TSC22D2: variants seen among roughly 807,000 people sequenced by gnomAD.
TSC22D2 encodes the protein TSC22 domain family protein 2.
TSC22D2 carries 5 observed loss-of-function variants against 50.1 expected under a neutral mutation model. The observed-to-expected ratio is 0.10, with a 90% CI of 0.05 to 0.21. The LOEUF is 0.21. Ranked by LOEUF, TSC22D2 falls within the 10% of genes least tolerant of loss-of-function variation. The pLI is 1.00. For synonymous variants in TSC22D2, 501 were observed against 450.1 expected, an observed-to-expected ratio of 1.11 and a Z score of -1.43; for missense variants, 1,003 against 1,015.5, an observed-to-expected ratio of 0.99 and a Z score of 0.17.
At chr3:150,442,827 A>AT (rs1462581335) in intron 1 of TSC22D2, among the ~76,000 whole-genome samples, 1 of 152,148 alleles carries the variant, frequency 6.6e-6, no homozygotes, top group African/African-American at 2.4e-5. Flanking sequence ...ATGATGGCAC[A>AT]TGCCTGTAAT....
At position 150,442,897 on chromosome 3, in the gene TSC22D2, G is replaced by A. The variant is rs569992690; in HGVS notation, c.1959-14179G>A. ...GTTTAAGGCAGCAGAGAGCTATGAT[G>A]GCGCCATTGCATTCCAACCTGGAAG... On this transcript the variant is annotated intron_variant, in intron 1 of 2. Coordinates refer to ENST00000688009, the MANE Select transcript of TSC22D2 (RefSeq NM_001303264.2). Among the ~76,000 whole-genome samples the A allele has an allele frequency of 7.6e-4, 115 of 152,270 alleles. 1 individual carries two copies. Among genetic ancestry groups the A allele is most frequent in the South Asian group, 4.4e-3 (21 of 4,818 alleles).
rs1187174085 is a variant in TSC22D2, at chr3:150,458,769, A to G, written c.*133A>G. The G allele has an allele frequency of 7.9e-6, 9 of 1,140,108 alleles. No individual in the cohort carries two copies. The highest frequency in any genetic ancestry group is 7.6e-5 in the East Asian group (3 of 39,502). The allele number at this position is 1,140,108 out of a possible 1,614,324, so 70.6% of individuals were successfully genotyped here. The stretch of plus-strand genomic sequence containing the variant: ...TGTTTGGCCTTTTCAGTATTAGACA[A>G]TCATTCTACAAGAGCTTTTCCTCTC... On this transcript the variant is annotated 3_prime_UTR_variant, in exon 3 of 3. Transcript: ENST00000688009.
chr3:150,442,232 C>T (rs1309888119), intron 1 of TSC22D2, among the ~76,000 whole-genome samples: 1 of 152,112 alleles, frequency 6.6e-6, no homozygotes, highest in Non-Finnish European at 1.5e-5. Context: ...CCCAGAACAC[C>T]CTCTAAAATC....
At chr3:150,416,724 A>G (rs1276444594) in intron 1 of TSC22D2, among the ~76,000 whole-genome samples, 1 of 152,156 alleles carries the variant, frequency 6.6e-6, no homozygotes, top group East Asian at 1.9e-4. Context: ...ACATTATTCC[A>G]TGACTTTAGG....
At chr3:150,432,107 T>G (rs1351574436) in intron 1 of TSC22D2, among the ~76,000 whole-genome samples, 1 of 152,206 alleles carries the variant, frequency 6.6e-6, no homozygotes, top group African/African-American at 2.4e-5. Context: ...TCTCTTCTCT[T>G]AGCTTTTCTA....
Position 150,465,309 on chromosome 3 carries a change from G to A in TSC22D2, c.*6673G>A, listed in dbSNP as rs1721518194. 1 of 152,132 alleles carries A rather than the reference G, an allele frequency of 6.6e-6. No individual in the cohort carries two copies. Among genetic ancestry groups the A allele is most frequent in the South Asian group, 2.1e-4 (1 of 4,834 alleles). The allele number at this position is 152,132 out of a possible 1,614,324, so 9.4% of individuals were successfully genotyped here. A position where few individuals can be genotyped will look rare whatever the true frequency, so the allele number is the denominator to read the frequency against. ...CATAAGCAAAGAACTTTACAAATAG[G>A]TTATAAAGAGAAGCTCAATCTCAGC... On this transcript the variant is annotated 3_prime_UTR_variant, in exon 3 of 3. Coordinates refer to ENST00000688009, the MANE Select transcript of TSC22D2 (RefSeq NM_001303264.2).
chr3:150,455,483 T>C (rs1333553604), intron 1 of TSC22D2, among the ~76,000 whole-genome samples: 1 of 152,244 alleles, frequency 6.6e-6, no homozygotes, highest in Non-Finnish European at 1.5e-5. Flanking sequence ...TTAATGTGGT[T>C]AATGCTCAAA....
intron 1 of TSC22D2, among the ~76,000 whole-genome samples, chr3:150,418,357 A>G (rs1320846650): frequency 6.6e-6 from 1 of 152,010 alleles, no homozygotes; most frequent in Non-Finnish European, 1.5e-5. Context: ...AATTTGAGAC[A>G]TCAGATCAGA....
chr3:150,452,678 A>G (rs1405597902), intron 1 of TSC22D2, among the ~76,000 whole-genome samples: 1 of 152,102 alleles, frequency 6.6e-6, no homozygotes, highest in Non-Finnish European at 1.5e-5. Flanking sequence ...TAGCATTGAT[A>G]CTCTGAGTTA....
At chr3:150,418,588 A>G (rs1201316786) in intron 1 of TSC22D2, among the ~76,000 whole-genome samples, 2 of 151,934 alleles carry the variant, frequency 1.3e-5, no homozygotes, top group Admixed American at 6.6e-5. Flanking sequence ...GGTCATTCAG[A>G]TTAAGTCACT....
rs1468493702 is a variant in TSC22D2 at position 150,462,339 on chromosome 3, G to T, written c.*3703G>T. 6.6e-6 allele frequency: 1 copy of T among 152,200 alleles called. No individual in the cohort carries two copies. Among genetic ancestry groups the T allele is most frequent in the Non-Finnish European group, 1.5e-5 (1 of 68,050 alleles). 9.4% of individuals were successfully genotyped at this position (152,200 alleles called of 1,614,324 possible). A position where few individuals can be genotyped will look rare whatever the true frequency, so the allele number is the denominator to read the frequency against. ...TAGTATTTTGGCATCTATTCAGAAA[G>T]CAAGAATGATTTATTGAATGGTTTT... On this transcript the variant is annotated 3_prime_UTR_variant, in exon 3 of 3. Transcript: ENST00000688009.
At chr3:150,411,586 A>G (rs951431888) in intron 1 of TSC22D2, among the ~76,000 whole-genome samples, 13 of 152,326 alleles carry the variant, frequency 8.5e-5, no homozygotes, top group Admixed American at 7.8e-4. Flanking sequence ...TTACCATTTA[A>G]TGGTGGTAGC....
chr3:150,440,902 G>A (rs1720696481), intron 1 of TSC22D2, among the ~76,000 whole-genome samples: 2 of 151,788 alleles, frequency 1.3e-5, no homozygotes, highest in Admixed American at 1.3e-4. Flanking sequence ...AAAACCATAA[G>A]AATTTGTTTG....
At chr3:150,416,164 T>C (rs1267556479) in intron 1 of TSC22D2, among the ~76,000 whole-genome samples, 1 of 152,176 alleles carries the variant, frequency 6.6e-6, no homozygotes, top group African/African-American at 2.4e-5. Context: ...TCAAAAGAAA[T>C]AGGAACACTT....
At chr3:150,446,240 ATGAAG>A (rs1300735269) in intron 1 of TSC22D2, among the ~76,000 whole-genome samples, 2 of 152,202 alleles carry the variant, frequency 1.3e-5, no homozygotes, top group Non-Finnish European at 2.9e-5. Flanking sequence ...TGACCCCAGA[ATGAAG>A]TGGAGAAGAA....
In TSC22D2 at chr3:150,459,337, G is replaced by A. The variant is rs1721300339; in HGVS notation, c.*701G>A. ...ATAGTGTAAGTATGAAGAACATAGTGCAACTGTACAGGTAGTCACCAGTTA... is the reference window on the plus strand; with the variant it reads ...ATAGTGTAAGTATGAAGAACATAGTACAACTGTACAGGTAGTCACCAGTTA... On this transcript the variant is annotated 3_prime_UTR_variant, in exon 3 of 3. Transcript: ENST00000688009. 1 of 152,546 alleles carries A rather than the reference G, an allele frequency of 6.6e-6. No individual in the cohort carries two copies. The highest frequency in any genetic ancestry group is 2.4e-5 in the African/African-American group (1 of 41,426). The allele number at this position is 152,546 out of a possible 1,614,324, so 9.4% of individuals were successfully genotyped here.
At chr3:150,416,446 A>T (rs1469889488) in intron 1 of TSC22D2, among the ~76,000 whole-genome samples, 1 of 152,196 alleles carries the variant, frequency 6.6e-6, no homozygotes, top group African/African-American at 2.4e-5. Flanking sequence ...AAACTCCTAA[A>T]TTAGAATAAA....
intron 1 of TSC22D2, among the ~76,000 whole-genome samples, chr3:150,455,954 T>C (rs1211981539): frequency 6.6e-6 from 1 of 152,166 alleles, no homozygotes; most frequent in Non-Finnish European, 1.5e-5. Flanking sequence ...TACTACTTAA[T>C]ACATGGTAGA....
intron 1 of TSC22D2, among the ~76,000 whole-genome samples, chr3:150,448,905 A>G (rs1720961496): frequency 6.6e-6 from 1 of 151,234 alleles, no homozygotes; most frequent in Non-Finnish European, 1.5e-5. Flanking sequence ...TAATTAGGGG[A>G]TAAATTTTTA....
Sources: allele counts gnomAD v4.1 joint callset (sites outside exome capture counted in the v4.1 genomes callset), GRCh38; gene constraint gnomAD v4.1.1; transcripts MANE v1.5; gene names NCBI Gene and HGNC (gene_info 2026-07-23, HGNC 2026-07-21).